RBFOX3: variants seen among roughly 807,000 people sequenced by gnomAD.
RBFOX3 encodes the protein RNA binding fox-1 homolog 3.
A neutral mutation model predicts 48.7 loss-of-function variants in RBFOX3; 17 were observed. The observed-to-expected ratio is 0.35, with a 90% CI of 0.24 to 0.52. The LOEUF is 0.52. RBFOX3 is among the 20% of genes least tolerant of loss of function. The pLI is 0.94. For missense variants in RBFOX3, 382 were observed against 497.5 expected (o/e 0.77, Z 2.21); for synonymous variants, 212 against 209.5 (o/e 1.01, Z -0.10).
At chr17:79,402,474 G>T (rs1047570777) in intron 2 of RBFOX3, among the ~76,000 whole-genome samples, 4 of 152,208 alleles carry the variant, frequency 2.6e-5, no homozygotes, top group African/African-American at 9.6e-5. Flanking sequence ...GAGTTTGTTT[G>T]CTTGTGCTAA....
intron 3 of RBFOX3, among the ~76,000 whole-genome samples, chr17:79,245,775 A>C (rs1335807226): frequency 6.6e-6 from 1 of 151,704 alleles, no homozygotes; most frequent in Non-Finnish European, 1.5e-5. Context: ...TTACAGATGT[A>C]CACCACCATG....
chr17:79,135,271 C>T (rs140508641), intron 4 of RBFOX3, among the ~76,000 whole-genome samples: 2 of 152,230 alleles, frequency 1.3e-5, no homozygotes, highest in Non-Finnish European at 1.5e-5. Context: ...CAAGGGAAGG[C>T]GGTGGGGTCC....
At chr17:79,422,161 G>A (rs906530192) in intron 2 of RBFOX3, among the ~76,000 whole-genome samples, 3 of 152,094 alleles carry the variant, frequency 2.0e-5, no homozygotes, top group African/African-American at 7.3e-5. Context: ...TCTGATGATA[G>A]CTGCTCTGGA....
At chr17:79,201,101 A>G (rs993456626) in intron 4 of RBFOX3, among the ~76,000 whole-genome samples, 1 of 146,774 alleles carries the variant, frequency 6.8e-6, no homozygotes, top group Non-Finnish European at 1.5e-5. Context: ...TAACAACAAC[A>G]ACGACAACAA....
chr17:79,138,139 G>A (rs147144792), intron 4 of RBFOX3, among the ~76,000 whole-genome samples: 321 of 152,258 alleles, frequency 2.1e-3, no homozygotes, highest in African/African-American at 7.0e-3. Context: ...GGCACCCAGA[G>A]GGGCGTGTGT....
chr17:79,353,436 G>C (rs1028188118), intron 2 of RBFOX3, among the ~76,000 whole-genome samples: 3 of 152,220 alleles, frequency 2.0e-5, no homozygotes, highest in Admixed American at 6.5e-5. Context: ...CCTGGGTGAT[G>C]AGCAAGCTTT....
At chr17:79,529,647 T>C (rs1198333336) in intron 1 of RBFOX3, among the ~76,000 whole-genome samples, 2 of 152,130 alleles carry the variant, frequency 1.3e-5, no homozygotes, top group African/African-American at 2.4e-5. Context: ...ACACAGTCTG[T>C]GGCAGAGGGA....
At chr17:79,389,584 T>C (rs2061065338) in intron 2 of RBFOX3, among the ~76,000 whole-genome samples, 1 of 152,162 alleles carries the variant, frequency 6.6e-6, no homozygotes, top group Non-Finnish European at 1.5e-5. Flanking sequence ...TCGGCCTCAG[T>C]GGGTCTCCAC....
At chr17:79,372,092 C>T (rs9675239) in intron 2 of RBFOX3, among the ~76,000 whole-genome samples, 82,210 of 151,700 alleles carry the variant, frequency 0.54, 23,138 homozygotes, top group East Asian at 0.66. Context: ...CCTCTAAACG[C>T]CAGTAACTGC....
At position 79,241,786 on chromosome 17, in the gene RBFOX3, C is replaced by T. The variant is rs145970483; in HGVS notation, c.-73-5981G>A. Among the ~76,000 whole-genome samples, 390 of 152,282 alleles carry T rather than the reference C, an allele frequency of 2.6e-3. 3 individuals carry two copies. The highest frequency in any genetic ancestry group is 0.014 in the Middle Eastern group (4 of 294). On this transcript the variant is annotated intron_variant, in intron 3 of 14. Transcript: ENST00000693108. The stretch of plus-strand genomic sequence containing the variant: ...GCTCTTGTCCTGGCTTGCAGACAGC[C>T]GCCTTCTCACTGTGTCTTCACATGG...
intron 2 of RBFOX3, among the ~76,000 whole-genome samples, chr17:79,446,736 C>G (rs986547556): frequency 6.6e-6 from 1 of 152,222 alleles, no homozygotes; most frequent in Admixed American, 6.5e-5. Flanking sequence ...CCCTGAGCTG[C>G]CGCTCTCAGC....
intron 10 of RBFOX3, 52 bp from the exon 11 acceptor site, chr17:79,097,476 T>G: frequency 6.7e-7 from 1 of 1,484,510 alleles, no homozygotes; most frequent in Non-Finnish European, 9.0e-7. Context: ...GGGACCCACC[T>G]GGCACCCCCT....
At chr17:79,185,991 C>A (rs1202311308) in intron 4 of RBFOX3, among the ~76,000 whole-genome samples, 1 of 152,208 alleles carries the variant, frequency 6.6e-6, no homozygotes, top group Non-Finnish European at 1.5e-5. Context: ...GAGCTCAGAT[C>A]TGGGGTGTGG....
At chr17:79,373,904 G>A (rs982138069) in intron 2 of RBFOX3, among the ~76,000 whole-genome samples, 1 of 151,958 alleles carries the variant, frequency 6.6e-6, no homozygotes, top group Non-Finnish European at 1.5e-5. Flanking sequence ...TGTCGCCCAG[G>A]CTGGTGTGCA....
At chr17:79,533,393 G>A (rs1050398477) in intron 1 of RBFOX3, among the ~76,000 whole-genome samples, 3 of 152,234 alleles carry the variant, frequency 2.0e-5, no homozygotes, top group South Asian at 2.1e-4. Flanking sequence ...CGAGGGTGGC[G>A]ATAAACCCAC....
intron 2 of RBFOX3, among the ~76,000 whole-genome samples, chr17:79,342,397 A>ACT (rs1568075860): frequency 1.7e-4 from 26 of 151,942 alleles, no homozygotes; most frequent in African/African-American, 5.1e-4. Context: ...TCAGAGTCGA[A>ACT]GTCTCTCTCT....
At chr17:79,377,521 G>C (rs1206319638) in intron 2 of RBFOX3, among the ~76,000 whole-genome samples, 1 of 152,206 alleles carries the variant, frequency 6.6e-6, no homozygotes, top group Non-Finnish European at 1.5e-5. Context: ...CCTCCTGACA[G>C]CTCCATCGCA....
chr17:79,609,776 G>A (rs1160968683), intron 1 of RBFOX3, among the ~76,000 whole-genome samples: 2 of 151,910 alleles, frequency 1.3e-5, no homozygotes, highest in Admixed American at 6.5e-5. Context: ...AGGGCTGCGC[G>A]CCAGGGGAGG....
chr17:79,311,166 C>T lies in RBFOX3; in HGVS notation c.-174-3342G>A, dbSNP rs1269047791. Among the ~76,000 whole-genome samples the T allele has an allele frequency of 6.6e-6, 1 of 152,204 alleles. No homozygotes were observed. The highest frequency in any genetic ancestry group is 1.5e-5 in the Non-Finnish European group (1 of 68,032). On this transcript the variant is annotated intron_variant, in intron 2 of 14. Coordinates refer to ENST00000693108, the MANE Select transcript of RBFOX3 (RefSeq NM_001350451.2). This position sits in a 1 kb window ranked among gnomAD's most constrained non-coding sequence, Gnocchi z 4.2. Reference sequence around the variant, plus strand: ...CCGCAGCACCAGCTGGGCGCAGTGGCTCACGCCTATAATCCCAGCACTTTG... The same window carrying T: ...CCGCAGCACCAGCTGGGCGCAGTGGTTCACGCCTATAATCCCAGCACTTTG...
Sources: allele counts gnomAD v4.1 joint callset (sites outside exome capture counted in the v4.1 genomes callset), GRCh38; gene constraint gnomAD v4.1.1; non-coding constraint Gnocchi (gnomAD v3.1); transcripts MANE v1.5; gene names NCBI Gene and HGNC (gene_info 2026-07-23, HGNC 2026-07-21).